Variants in PCYT1B observed in about 807,000 individuals in gnomAD.
PCYT1B encodes the protein choline-phosphate cytidylyltransferase B.
PCYT1B carries 10 observed loss-of-function variants against 26.4 expected under a neutral mutation model. The observed-to-expected ratio is 0.38, with a 90% CI of 0.23 to 0.64. The LOEUF (loss-of-function observed/expected upper bound fraction) is 0.64. Ranked by LOEUF, PCYT1B falls within the 30% of genes least tolerant of loss-of-function variation. The pLI is 0.56. For missense variants in PCYT1B, 161 were observed against 292.7 expected (o/e 0.55, Z 3.28); for synonymous variants, 131 against 108.4 (o/e 1.21, Z -1.29).
chrX:24,582,863 G>C (rs892141369), intron 5 of PCYT1B, among the ~76,000 whole-genome samples: 2 of 111,889 alleles, frequency 1.8e-5, no homozygotes, highest in African/African-American at 6.5e-5. Flanking sequence ...CTCCCATGAT[G>C]AATTCTGGCC....
chrX:24,630,385 C>G (rs1415888573), intron 1 of PCYT1B, among the ~76,000 whole-genome samples: 1 of 110,405 alleles, frequency 9.1e-6, no homozygotes, highest in Non-Finnish European at 1.9e-5. Flanking sequence ...AACCTCCACC[C>G]CCTGAGTTCA....
chrX:24,620,174 T>A (rs1925655722), intron 1 of PCYT1B, among the ~76,000 whole-genome samples: 1 of 112,543 alleles, frequency 8.9e-6, no homozygotes, highest in African/African-American at 3.2e-5. Flanking sequence ...ACAGGGGCTA[T>A]GACTCACTTC....
At chrX:24,660,710 A>C (rs763896635) in intron 1 of PCYT1B, among the ~76,000 whole-genome samples, 10 of 109,559 alleles carry the variant, frequency 9.1e-5, no homozygotes, top group African/African-American at 3.3e-4. Context: ...GAAAAAAAAG[A>C]CACTAAGGGT....
Position 24,562,266 on chromosome X carries a change from G to A in PCYT1B, c.*27C>T. The A allele has an allele frequency of 8.7e-7, 1 of 1,153,273 alleles. No individual in the cohort carries two copies. Among genetic ancestry groups the A allele is most frequent in the Non-Finnish European group, 1.2e-6 (1 of 865,455 alleles). On this transcript the variant is annotated 3_prime_UTR_variant, in exon 8 of 8. Coordinates refer to ENST00000379144, the MANE Select transcript of PCYT1B (RefSeq NM_004845.5). The stretch of plus-strand genomic sequence containing the variant: ...TCTCGCCCTCCTCCCCATCCTGCAT[G>A]GTGCGGCTCTTGCCTCCCAGCAGCC...
chrX:24,667,119 G>A (rs896342569), intron 1 of PCYT1B, among the ~76,000 whole-genome samples: 1 of 110,292 alleles, frequency 9.1e-6, no homozygotes, highest in African/African-American at 3.3e-5. Flanking sequence ...CCAGATTCAC[G>A]TCGCTTCTTG....
chrX:24,577,654 T>C, intron 6 of PCYT1B, among the ~76,000 whole-genome samples: 1 of 112,018 alleles, frequency 8.9e-6, no homozygotes, highest in Non-Finnish European at 1.9e-5. Context: ...GATTCACAAT[T>C]AATGAGCCCC....
At chrX:24,648,228 A>G (rs184615890), upstream of PCYT1B, among the ~76,000 whole-genome samples, 568 of 111,224 alleles carry the variant, frequency 5.1e-3, 2 homozygotes, top group Non-Finnish European at 7.1e-3. Flanking sequence ...ACACATCCAA[A>G]GAACTTACCA....
intron 3 of PCYT1B, among the ~76,000 whole-genome samples, chrX:24,605,663 G>A (rs1050272061): frequency 1.8e-5 from 2 of 111,907 alleles, no homozygotes; most frequent in African/African-American, 3.2e-5. Flanking sequence ...GGTGGCTCAC[G>A]CCTGTAATCC....
intron 7 of PCYT1B, among the ~76,000 whole-genome samples, chrX:24,570,934 G>A (rs1213049818): frequency 8.9e-6 from 1 of 111,898 alleles, no homozygotes; most frequent in Admixed American, 9.5e-5. Flanking sequence ...ACTGCATCAT[G>A]TGGACATTCC....
intron 3 of PCYT1B, among the ~76,000 whole-genome samples, chrX:24,591,896 CT>C (rs1924577894): frequency 9.0e-6 from 1 of 111,697 alleles, no homozygotes; most frequent in Non-Finnish European, 1.9e-5. Context: ...TTTATCATTT[CT>C]TTGTGGTAAG....
At chrX:24,646,345 C>T (rs750866090) in intron 1 of PCYT1B, among the ~76,000 whole-genome samples, 1 of 111,675 alleles carries the variant, frequency 9.0e-6, no homozygotes, top group Admixed American at 9.6e-5. Context: ...AGGCATGCAA[C>T]CCCTTTCTAA....
chrX:24,598,106 T>A (rs1389578147), intron 3 of PCYT1B, among the ~76,000 whole-genome samples: 1 of 112,034 alleles, frequency 8.9e-6, no homozygotes, highest in African/African-American at 3.2e-5. Flanking sequence ...TTTTCTAGAA[T>A]TATCAAATTT....
chrX:24,571,500 T>TATCATCATCATC (rs59226167), intron 7 of PCYT1B, among the ~76,000 whole-genome samples: 14,340 of 105,301 alleles, frequency 0.14, 1,565 homozygotes, highest in African/African-American at 0.35. Context: ...TCTTATTTAC[T>TATCATCATCATC]ATCATCATCA....
At chrX:24,616,941 G>C (rs1749108594) in intron 2 of PCYT1B, among the ~76,000 whole-genome samples, 1 of 112,168 alleles carries the variant, frequency 8.9e-6, no homozygotes, top group South Asian at 3.7e-4. Context: ...CAATAGGTTT[G>C]AGACCAAATC....
At position 24,559,338 on chromosome X, in the gene PCYT1B, AAAG is replaced by A. The variant is rs1451043207; in HGVS notation, c.*2952_*2954del. The stretch of plus-strand genomic sequence containing the variant: ...ATCTCAAAAAAAAAAAAAAAGAAAG[AAAG>A]AAGAAAGAACAAAGAAGAATGAAAG... On this transcript the variant is annotated 3_prime_UTR_variant, in exon 8 of 8. Transcript: ENST00000379144. The A allele has an allele frequency of 1.9e-5, 2 of 107,713 alleles. No homozygotes were observed. The highest frequency in any genetic ancestry group is 6.8e-5 in the African/African-American group (2 of 29,622). 8.9% of individuals were successfully genotyped at this position (107,713 alleles called of 1,213,427 possible).
At chrX:24,661,975 G>A (rs1927037480) in intron 1 of PCYT1B, among the ~76,000 whole-genome samples, 1 of 111,280 alleles carries the variant, frequency 9.0e-6, no homozygotes, top group South Asian at 3.8e-4. Flanking sequence ...AACAGCCTGG[G>A]CAACATGGTG....
intron 1 of PCYT1B, among the ~76,000 whole-genome samples, chrX:24,625,397 A>G (rs993316981): frequency 2.7e-5 from 3 of 111,151 alleles, no homozygotes; most frequent in Admixed American, 9.7e-5. Context: ...AAAAAAATAG[A>G]TAATATAGTT....
intron 3 of PCYT1B, among the ~76,000 whole-genome samples, chrX:24,597,487 T>C (rs984937151): frequency 8.9e-6 from 1 of 112,231 alleles, no homozygotes; most frequent in South Asian, 3.7e-4. Flanking sequence ...CAGATTCAAC[T>C]TCCAGTGGTA....
At chrX:24,585,891 C>T (rs967504679) in intron 5 of PCYT1B, among the ~76,000 whole-genome samples, 3 of 110,794 alleles carry the variant, frequency 2.7e-5, no homozygotes, top group Non-Finnish European at 5.7e-5. Context: ...CTGATCACGA[C>T]ACTCCCCTGC....
Sources: gnomAD v4.1 joint callset for allele counts (sites outside exome capture counted in the v4.1 genomes callset) on GRCh38, gnomAD v4.1.1 for gene constraint, MANE v1.5 for transcripts, NCBI Gene and HGNC (gene_info 2026-07-23, HGNC 2026-07-21) for gene names.